The following NUAK1 variants were observed in gnomAD, a reference collection of about 807,000 sequenced individuals.
The protein encoded by NUAK1 is NUAK family kinase 1, also known as NUAK family SNF1-like kinase 1.
NUAK1 carries 26 observed loss-of-function variants against 56.9 expected under a neutral mutation model. The observed-to-expected ratio is 0.46, with a 90% CI of 0.33 to 0.63. The LOEUF (loss-of-function observed/expected upper bound fraction) is 0.63, where lower values mean the gene tolerates loss of function less well. NUAK1 is among the 30% of genes least tolerant of loss of function. The pLI is 0.02. For synonymous variants in NUAK1, 337 were observed against 336.0 expected, an observed-to-expected ratio of 1.00 and a Z score of -0.03; for missense variants, 727 against 876.1, an observed-to-expected ratio of 0.83 and a Z score of 2.15.
At chr12:106,095,458 C>T (rs186257290) in intron 2 of NUAK1, among the ~76,000 whole-genome samples, 2 of 152,370 alleles carry the variant, frequency 1.3e-5, no homozygotes, top group Non-Finnish European at 2.9e-5. Context: ...GGTCCTCACA[C>T]CTCTGGCTCC....
intron 2 of NUAK1, among the ~76,000 whole-genome samples, chr12:106,090,257 TC>T (rs1171274861): frequency 1.3e-5 from 2 of 151,946 alleles, no homozygotes; most frequent in Non-Finnish European, 2.9e-5. Context: ...CATCCCCCAG[TC>T]CCCCATAGGA....
At chr12:106,091,342 A>C (rs1438917450) in intron 2 of NUAK1, among the ~76,000 whole-genome samples, 1 of 152,224 alleles carries the variant, frequency 6.6e-6, no homozygotes, top group Admixed American at 6.5e-5. Context: ...ATAGAAACTT[A>C]GCTCAGCCTG....
chr12:106,136,687 C>G (rs1205582843), intron 1 of NUAK1, among the ~76,000 whole-genome samples: 1 of 152,242 alleles, frequency 6.6e-6, no homozygotes, highest in Non-Finnish European at 1.5e-5. Flanking sequence ...ACATTCTCAA[C>G]CTGCAGCTCG....
chr12:106,106,669 C>T, intron 1 of NUAK1, 144 bp from the exon 2 acceptor site: 3 of 718,440 alleles, frequency 4.2e-6, no homozygotes, highest in Non-Finnish European at 4.3e-6. Flanking sequence ...GCCCCCTTGT[C>T]ATGTCTTTCA....
At chr12:106,100,714 G>A (rs568094426) in intron 2 of NUAK1, among the ~76,000 whole-genome samples, 6 of 152,260 alleles carry the variant, frequency 3.9e-5, no homozygotes, top group South Asian at 4.1e-4. Context: ...CAATATCACC[G>A]GTTAGTACAG....
chr12:106,083,711 G>C (rs1316511880), intron 4 of NUAK1, among the ~76,000 whole-genome samples, 153 bp downstream of exon 4: 1 of 152,124 alleles, frequency 6.6e-6, no homozygotes, highest in Admixed American at 6.6e-5. Context: ...GTTTGAACTG[G>C]ACTTGGAGCT....
At chr12:106,086,447 C>T (rs1025754231) in intron 3 of NUAK1, among the ~76,000 whole-genome samples, 1 of 152,068 alleles carries the variant, frequency 6.6e-6, no homozygotes, top group African/African-American at 2.4e-5. Context: ...TCTGTACTAC[C>T]TTTGAAACTT....
intron 1 of NUAK1, among the ~76,000 whole-genome samples, chr12:106,129,340 A>G (rs935671635): frequency 5.9e-5 from 9 of 152,190 alleles, no homozygotes; most frequent in Non-Finnish European, 1.2e-4. Flanking sequence ...TCTTCCCGCA[A>G]TTGTTCATTC....
rs1325017570 is a variant in NUAK1 at position 106,065,665 on chromosome 12, T to C, written c.*1137A>G. The C allele has an allele frequency of 1.3e-5, 2 of 152,618 alleles. No individual in the cohort carries two copies. Among genetic ancestry groups the C allele is most frequent in the Non-Finnish European group, 2.9e-5 (2 of 68,046 alleles). The allele number at this position is 152,618 out of a possible 1,614,324, so 9.5% of individuals were successfully genotyped here. The stretch of plus-strand genomic sequence containing the variant: ...CTACACTCAGTGGATGGGGAAACCA[T>C]CTGTCACTGGTGAACAGAGCCAATG... On this transcript the variant is annotated 3_prime_UTR_variant, in exon 7 of 7. Coordinates refer to ENST00000261402, the MANE Select transcript of NUAK1 (RefSeq NM_014840.3).
At chr12:106,115,473 G>A (rs948368179) in intron 1 of NUAK1, among the ~76,000 whole-genome samples, 5 of 152,314 alleles carry the variant, frequency 3.3e-5, no homozygotes, top group East Asian at 3.9e-4. Flanking sequence ...GCTGCAGTCC[G>A]TCCCCCAAAG....
chr12:106,126,129 C>G (rs1190787930), intron 1 of NUAK1, among the ~76,000 whole-genome samples: 1 of 152,084 alleles, frequency 6.6e-6, no homozygotes, highest in Non-Finnish European at 1.5e-5. Context: ...ATAAATACAA[C>G]AAGAAATCAG....
intron 1 of NUAK1, among the ~76,000 whole-genome samples, chr12:106,134,420 G>A (rs1008949525): frequency 6.6e-6 from 1 of 152,232 alleles, no homozygotes; most frequent in Non-Finnish European, 1.5e-5. Flanking sequence ...AGGTGAGGAT[G>A]CCCCATCACC....
chr12:106,087,828 C>T (rs1435699650), intron 2 of NUAK1, among the ~76,000 whole-genome samples: 1 of 152,184 alleles, frequency 6.6e-6, no homozygotes, highest in African/African-American at 2.4e-5. Context: ...GCAGAACTAC[C>T]AGATGAGATG....
intron 5 of NUAK1, 31 bp from the exon 6 acceptor site, chr12:106,070,937 G>T (rs371103969): frequency 1.3e-6 from 2 of 1,579,596 alleles, no homozygotes; most frequent in Admixed American, 1.7e-5. Flanking sequence ...ATATAGGAGA[G>T]CTGGGAAACA....
intron 1 of NUAK1, among the ~76,000 whole-genome samples, chr12:106,132,237 C>T (rs565317437): frequency 3.3e-5 from 5 of 152,352 alleles, no homozygotes; most frequent in East Asian, 1.9e-4. Context: ...CATTTTCAAC[C>T]GTTGTCTTTC....
intron 2 of NUAK1, among the ~76,000 whole-genome samples, chr12:106,094,610 C>T (rs1376560193): frequency 6.6e-6 from 1 of 152,208 alleles, no homozygotes; most frequent in Non-Finnish European, 1.5e-5. Flanking sequence ...CAGTGCAGTT[C>T]CTGGTTTGCA....
chr12:106,098,398 G>A (rs1405223140), intron 2 of NUAK1, among the ~76,000 whole-genome samples: 5 of 152,138 alleles, frequency 3.3e-5, no homozygotes, highest in African/African-American at 7.2e-5. Context: ...ATCAAAGGAC[G>A]TGTTTGTCTA....
At chr12:106,088,993 C>T (rs2032605475) in intron 2 of NUAK1, among the ~76,000 whole-genome samples, 1 of 152,198 alleles carries the variant, frequency 6.6e-6, no homozygotes, top group South Asian at 2.1e-4. Context: ...ATAAAATTGG[C>T]TGCTCCAGCG....
At chr12:106,095,215 C>T (rs967246897) in intron 2 of NUAK1, among the ~76,000 whole-genome samples, 52 of 152,270 alleles carry the variant, frequency 3.4e-4, no homozygotes, top group African/African-American at 1.2e-3. Flanking sequence ...GAGAAAGCCC[C>T]GGCAATTGAT....
Sources: gnomAD v4.1 joint callset for allele counts (sites outside exome capture counted in the v4.1 genomes callset) on GRCh38, gnomAD v4.1.1 for gene constraint, MANE v1.5 for transcripts, NCBI Gene and HGNC (gene_info 2026-07-23, HGNC 2026-07-21) for gene names.